The following FBXO4 variants were observed in gnomAD, a reference collection of about 807,000 sequenced individuals.
The protein encoded by FBXO4 is F-box protein 4.
A neutral mutation model predicts 43.7 loss-of-function variants in FBXO4; 36 were observed. The observed-to-expected ratio is 0.82, with a 90% CI of 0.63 to 1.09. FBXO4 has a LOEUF of 1.09. Among genes scored for constraint, FBXO4 ranks in the 50% least tolerant of loss-of-function variants. FBXO4 has a pLI of 0.00. For missense variants in FBXO4, 435 were observed against 474.1 expected (o/e 0.92, Z 0.77); for synonymous variants, 180 against 165.6 (o/e 1.09, Z -0.67).
chr5:41,942,599 A>C (rs1271852216), downstream of FBXO4, among the ~76,000 whole-genome samples: 1 of 152,064 alleles, frequency 6.6e-6, no homozygotes, highest in Non-Finnish European at 1.5e-5. Context: ...TGTTAAAGCA[A>C]GATACATTTA....
Position 41,934,192 on chromosome 5 carries a change from G to A in FBXO4, c.782G>A (p.Arg261Gln), listed in dbSNP as rs139568068. Reference sequence around the variant, plus strand: ...AGTGCAGTTAACAAGATGTTCAGTCGACACAATGAAGGTGATGATCAACAA... The same window carrying A: ...AGTGCAGTTAACAAGATGTTCAGTCAACACAATGAAGGTGATGATCAACAA... Reference protein sequence around the residue: ...HTSAVNKMFSRHNEGDDQQGS... With the variant: ...HTSAVNKMFSQHNEGDDQQGS... The change falls in exon 5 of 7, where the codon CGA becomes CAA. Residue 261 changes from arginine to glutamine, a missense_variant. Arg to Gln is a conservative substitution (Grantham distance 43). Coordinates refer to ENST00000281623, the MANE Select transcript of FBXO4 (RefSeq NM_012176.3). The A allele has an allele frequency of 9.0e-5, 145 of 1,613,882 alleles. No homozygotes were observed. The highest frequency in any genetic ancestry group is 1.2e-4 in the Non-Finnish European group (140 of 1,179,984).
At chr5:41,946,995 C>T in the FBXO4 span, among the ~76,000 whole-genome samples, 1 of 152,088 alleles carries the variant, frequency 6.6e-6, no homozygotes, top group Non-Finnish European at 1.5e-5. Flanking sequence ...AATAAAGGAC[C>T]ATTTATATTC....
chr5:41,984,768 C>T, the FBXO4 span, among the ~76,000 whole-genome samples: 1 of 152,188 alleles, frequency 6.6e-6, no homozygotes, highest in Non-Finnish European at 1.5e-5. Context: ...ACCTCGGCCT[C>T]CCAAAGTGCT....
chr5:41,938,295 T>A (rs984181758), intron 5 of FBXO4, among the ~76,000 whole-genome samples: 5 of 152,160 alleles, frequency 3.3e-5, no homozygotes, highest in Non-Finnish European at 7.3e-5. Context: ...TATTTAAAGG[T>A]AGACTTACAA....
At chr5:42,034,206 GGTTT>G in the FBXO4 span, among the ~76,000 whole-genome samples, 1 of 151,854 alleles carries the variant, frequency 6.6e-6, no homozygotes, top group South Asian at 2.1e-4. Flanking sequence ...CTTTGTGATG[GGTTT>G]GTTTGTTTTT....
At position 41,929,920 on chromosome 5, in the gene FBXO4, A is replaced by C; in HGVS notation, c.646+3A>C. The C allele has an allele frequency of 1.3e-6, 2 of 1,596,298 alleles. No individual in the cohort carries two copies. On this transcript the variant is annotated splice_donor_region_variant and intron_variant, in intron 3 of 6. Coordinates refer to ENST00000281623, the MANE Select transcript of FBXO4 (RefSeq NM_012176.3). ...TTTGCCTCAGAGGCAGATTGATGGT[A>C]ATTTTCATGTTAATCTACAGTTAAT...
At chr5:42,028,810 AC>A in the FBXO4 span, among the ~76,000 whole-genome samples, 1 of 151,564 alleles carries the variant, frequency 6.6e-6, no homozygotes, top group Admixed American at 6.7e-5. Flanking sequence ...CAAAAAGAAA[AC>A]TAAAAAAAAA....
chr5:41,999,960 C>T, the FBXO4 span, among the ~76,000 whole-genome samples: 2 of 152,014 alleles, frequency 1.3e-5, no homozygotes, highest in African/African-American at 2.4e-5. Flanking sequence ...CATCATAGTA[C>T]CCAACATTTC....
chr5:41,983,200 G>C, the FBXO4 span, among the ~76,000 whole-genome samples: 1 of 152,128 alleles, frequency 6.6e-6, no homozygotes, highest in African/African-American at 2.4e-5. Context: ...TGTCTTTATA[G>C]TAAAATGATT....
At chr5:41,967,750 G>T in the FBXO4 span, 1 of 616,044 alleles carries the variant, frequency 1.6e-6, no homozygotes, top group South Asian at 1.4e-5. Context: ...TGGAAAAACA[G>T]AATTGCAGAT....
At chr5:42,021,185 C>T in the FBXO4 span, among the ~76,000 whole-genome samples, 4 of 152,042 alleles carry the variant, frequency 2.6e-5, no homozygotes, top group South Asian at 2.1e-4. Flanking sequence ...AGATTAAAAT[C>T]GGATAAGAGT....
chr5:42,037,824 A>C, the FBXO4 span, among the ~76,000 whole-genome samples: 1 of 152,016 alleles, frequency 6.6e-6, no homozygotes, highest in African/African-American at 2.4e-5. Flanking sequence ...CCCCTTAAAA[A>C]TCCACAATCC....
the FBXO4 span, among the ~76,000 whole-genome samples, chr5:41,950,521 T>C: frequency 1.3e-5 from 2 of 152,186 alleles, no homozygotes; most frequent in Admixed American, 6.5e-5. Context: ...AGATACCATC[T>C]CACGCCAGTT....
the FBXO4 span, among the ~76,000 whole-genome samples, chr5:42,032,127 A>T: frequency 6.7e-6 from 1 of 148,338 alleles, no homozygotes; most frequent in South Asian, 2.1e-4. Flanking sequence ...CTGGGGGTGG[A>T]GTGACACAAT....
At chr5:41,932,255 C>T (rs528112934) in intron 3 of FBXO4, among the ~76,000 whole-genome samples, 5 of 152,222 alleles carry the variant, frequency 3.3e-5, no homozygotes, top group South Asian at 2.1e-4. Context: ...AACAGTATGG[C>T]GACTATATTG....
chr5:41,985,994 C>T, the FBXO4 span, among the ~76,000 whole-genome samples: 38 of 152,156 alleles, frequency 2.5e-4, no homozygotes, highest in Non-Finnish European at 4.4e-4. Flanking sequence ...TTAAAATTCC[C>T]GACTCTTGTC....
At chr5:41,935,341 G>C (rs922506792) in intron 5 of FBXO4, among the ~76,000 whole-genome samples, 1 of 152,186 alleles carries the variant, frequency 6.6e-6, no homozygotes, top group African/African-American at 2.4e-5. Flanking sequence ...ACCTATGAGT[G>C]CCCTCCTTGG....
In FBXO4 at chr5:41,925,326, C is replaced by G; in HGVS notation, c.17C>G (p.Pro6Arg). 1 of 1,344,434 alleles carries G rather than the reference C, an allele frequency of 7.4e-7. No individual in the cohort carries two copies. Among genetic ancestry groups the G allele is most frequent in the Non-Finnish European group, 9.6e-7 (1 of 1,042,408 alleles). 83.3% of individuals were successfully genotyped at this position (1,344,434 alleles called of 1,614,324 possible). The change falls in exon 1 of 7, where the codon CCG becomes CGG. Residue 6 changes from proline (P) to arginine (R), a missense_variant. Physicochemically the swap from Pro to Arg is moderately radical, Grantham distance 103. Coordinates refer to ENST00000281623, the MANE Select transcript of FBXO4 (RefSeq NM_012176.3). MAGSE[P>R]RSGTNSPPPP... ...GGGCAAGCCATGGCGGGAAGCGAGC[C>G]GCGCAGCGGAACAAACTCGCCGCCG...
At chr5:41,991,730 G>A in the FBXO4 span, among the ~76,000 whole-genome samples, 3 of 152,152 alleles carry the variant, frequency 2.0e-5, no homozygotes, top group Admixed American at 2.0e-4. Flanking sequence ...AATCTGTAGA[G>A]GTATTTAAGA....
Sources: allele counts gnomAD v4.1 joint callset (sites outside exome capture counted in the v4.1 genomes callset), GRCh38; gene constraint gnomAD v4.1.1; transcripts MANE v1.5; gene names NCBI Gene and HGNC (gene_info 2026-07-23, HGNC 2026-07-21).